Variants in CDKL4 observed in about 807,000 individuals in gnomAD.
CDKL4 encodes the protein cyclin dependent kinase like 4.
Under a neutral mutation model 42.0 loss-of-function variants are expected in CDKL4, and 44 were observed. The ratio of observed to expected loss-of-function variants is 1.05; its 90% CI spans 0.82 to 1.35. The LOEUF (loss-of-function observed/expected upper bound fraction) is 1.35. Ranked by LOEUF, CDKL4 falls within the 40% of genes most tolerant of loss-of-function variation. CDKL4 has a pLI of 0.00. For missense variants in CDKL4, 393 were observed against 369.9 expected (o/e 1.06, Z -0.51); for synonymous variants, 120 against 121.6 (o/e 0.99, Z 0.09).
At chr2:39,180,768 G>A (rs1186406400) in intron 8 of CDKL4, among the ~76,000 whole-genome samples, 5 of 145,472 alleles carry the variant, frequency 3.4e-5, no homozygotes, top group African/African-American at 1.0e-4. Context: ...TCGGCTCACT[G>A]CAAACTCCAC....
intron 1 of CDKL4, among the ~76,000 whole-genome samples, chr2:39,241,491 A>G (rs1286511630): frequency 1.4e-5 from 2 of 147,454 alleles, no homozygotes; most frequent in Non-Finnish European, 3.0e-5. Context: ...ATCCTTTCTC[A>G]GAAATGTCTT....
intron 1 of CDKL4, among the ~76,000 whole-genome samples, chr2:39,235,095 C>G (rs1473109500): frequency 6.6e-6 from 1 of 151,998 alleles, no homozygotes; most frequent in Non-Finnish European, 1.5e-5. Context: ...CAGGGCTGGT[C>G]TCAAACTCCT....
At chr2:39,242,142 C>T (rs558208252) in intron 1 of CDKL4, among the ~76,000 whole-genome samples, 2 of 151,510 alleles carry the variant, frequency 1.3e-5, no homozygotes, top group East Asian at 3.9e-4. Context: ...ACCTGCTGGG[C>T]TTGAGCAATT....
intron 3 of CDKL4, among the ~76,000 whole-genome samples, chr2:39,220,976 CTT>C (rs1157655136): frequency 0.073 from 3,569 of 48,822 alleles, 106 homozygotes; most frequent in African/African-American, 0.23. Flanking sequence ...CATCGACGAT[CTT>C]TTTTTTTTTT....
intron 3 of CDKL4, among the ~76,000 whole-genome samples, chr2:39,220,102 T>C (rs549321358): frequency 9.2e-5 from 14 of 152,140 alleles, no homozygotes; most frequent in Non-Finnish European, 1.8e-4. Context: ...TATGTGAGGA[T>C]AATTAGTTTC....
At chr2:39,220,990 T>TG (rs1678299163) in intron 3 of CDKL4, among the ~76,000 whole-genome samples, 5 of 45,192 alleles carry the variant, frequency 1.1e-4, no homozygotes, top group Admixed American at 4.3e-4. Context: ...TTTTTTTTTT[T>TG]TTTTTTTTTT....
intron 1 of CDKL4, among the ~76,000 whole-genome samples, chr2:39,237,225 T>C (rs1679421049): frequency 6.6e-6 from 1 of 152,194 alleles, no homozygotes; most frequent in Admixed American, 6.5e-5. Context: ...GTGGGACTTA[T>C]CTCAGGAATG....
intron 1 of CDKL4, among the ~76,000 whole-genome samples, chr2:39,242,083 T>C (rs1679691707): frequency 6.6e-6 from 1 of 151,820 alleles, no homozygotes; most frequent in South Asian, 2.1e-4. Context: ...TCTCGCTCTG[T>C]CACTCAGGCT....
intron 3 of CDKL4, among the ~76,000 whole-genome samples, chr2:39,221,013 G>GTT (rs373203432): frequency 1.4e-5 from 1 of 73,802 alleles, no homozygotes; most frequent in Non-Finnish European, 2.5e-5. Flanking sequence ...TTTTTTTTTT[G>GTT]TTTTGTTTTT....
At chr2:39,218,886 C>A (rs920153114) in intron 3 of CDKL4, among the ~76,000 whole-genome samples, 2 of 152,168 alleles carry the variant, frequency 1.3e-5, no homozygotes, top group African/African-American at 4.8e-5. Flanking sequence ...TGAGTCAATA[C>A]CAATAATAAA....
At chr2:39,177,644 C>A (rs1024959753) in intron 9 of CDKL4, among the ~76,000 whole-genome samples, 3 of 147,250 alleles carry the variant, frequency 2.0e-5, no homozygotes, top group African/African-American at 7.6e-5. Context: ...ACCGAGTGAT[C>A]CACCCGCCTC....
chr2:39,192,755 T>G (rs188450328), intron 5 of CDKL4, among the ~76,000 whole-genome samples: 34 of 152,182 alleles, frequency 2.2e-4, no homozygotes, highest in African/African-American at 8.0e-4. Context: ...CTTCCCCAAA[T>G]TTTCCAATAT....
At chr2:39,215,861 T>C (rs1447872051) in intron 3 of CDKL4, among the ~76,000 whole-genome samples, 1 of 152,242 alleles carries the variant, frequency 6.6e-6, no homozygotes, top group African/African-American at 2.4e-5. Flanking sequence ...TCCTAATTAT[T>C]AATATTGCAA....
At chr2:39,233,473 A>G (rs1029254106) in intron 1 of CDKL4, among the ~76,000 whole-genome samples, 3 of 152,200 alleles carry the variant, frequency 2.0e-5, no homozygotes, top group Non-Finnish European at 4.4e-5. Context: ...TTGCAAGACA[A>G]AAGAGAATTC....
chr2:39,180,901 C>T (rs987826716), intron 8 of CDKL4, among the ~76,000 whole-genome samples: 6 of 152,100 alleles, frequency 3.9e-5, no homozygotes, highest in Admixed American at 1.3e-4. Flanking sequence ...GTTGGCCAGG[C>T]GGGTCTCGAA....
At chr2:39,184,640 A>G in exon 8 of CDKL4, 1 of 1,610,796 alleles carries the variant, frequency 6.2e-7, no homozygotes, top group South Asian at 1.1e-5. Flanking sequence ...CTTTTCCTCA[A>G]GAGTTTCCTG....
chr2:39,243,359 C>G, intron 1 of CDKL4, among the ~76,000 whole-genome samples: 1 of 152,168 alleles, frequency 6.6e-6, no homozygotes, highest in Non-Finnish European at 1.5e-5. Context: ...AAAGTACACA[C>G]ACCTGTTTAT....
Position 39,226,435 on chromosome 2 carries a change from A to G in CDKL4, c.169-475T>C, listed in dbSNP as rs1019939849. 5.8e-4 allele frequency among the ~76,000 whole-genome samples: 43 copies of G among 74,442 alleles called. No individual in the cohort carries two copies. In the East Asian group the frequency reaches 0.02, roughly 34 times the overall value. 48.8% of individuals were successfully genotyped at this position (74,442 alleles called of 152,430 possible). A position where few individuals can be genotyped will look rare whatever the true frequency, so the allele number is the denominator to read the frequency against. On this transcript the variant is annotated intron_variant, in intron 2 of 9. Transcript: ENST00000451199. ...AATTTACTTATTTATATTTATATAA[A>G]TTATATATATTATATATATATTATA...
intron 4 of CDKL4, among the ~76,000 whole-genome samples, chr2:39,211,426 T>C (rs922771966): frequency 7.9e-5 from 12 of 152,058 alleles, no homozygotes; most frequent in African/African-American, 2.9e-4. Flanking sequence ...AGGAGCCAAC[T>C]TGAAGAAGCT....
Sources: allele counts gnomAD v4.1 joint callset (sites outside exome capture counted in the v4.1 genomes callset), GRCh38; gene constraint gnomAD v4.1.1; transcripts MANE v1.5; gene names NCBI Gene and HGNC (gene_info 2026-07-23, HGNC 2026-07-21).